Variants in CAMKMT observed in about 807,000 individuals in gnomAD.
CAMKMT encodes CaM KMT.
Under a neutral mutation model 48.0 loss-of-function variants are expected in CAMKMT, and 53 were observed. The observed-to-expected ratio is 1.10, with a 90% CI of 0.89 to 1.39. The LOEUF is 1.39. CAMKMT is among the 40% of genes most tolerant of loss of function. CAMKMT has a pLI of 0.00. For synonymous variants in CAMKMT, 165 were observed against 152.3 expected (o/e 1.08, Z -0.61); for missense variants, 428 against 402.7 (o/e 1.06, Z -0.54).
chr2:44,436,754 TA>T (rs1044120844), intron 3 of CAMKMT, among the ~76,000 whole-genome samples: 1 of 152,070 alleles, frequency 6.6e-6, no homozygotes, highest in African/African-American at 2.4e-5. Flanking sequence ...CAGTCAACAA[TA>T]AAATAACTTA....
rs547485664 is a variant in CAMKMT, at chr2:44,582,572, A to G, written c.377-121711A>G. Reference sequence around the variant, plus strand: ...CATAGTCCAATAAGCAAGTCCAGCAATACCACATTCCTCTTTGGTCTTAAA... The same window carrying G: ...CATAGTCCAATAAGCAAGTCCAGCAGTACCACATTCCTCTTTGGTCTTAAA... On this transcript the variant is annotated intron_variant, in intron 3 of 10. Coordinates refer to ENST00000378494, the MANE Select transcript of CAMKMT (RefSeq NM_024766.5). Among the ~76,000 whole-genome samples the G allele has an allele frequency of 3.9e-5, 6 of 152,342 alleles. No homozygotes were observed. The South Asian group carries it at 1.0e-3, about 26-fold the overall frequency.
At chr2:44,363,494 C>T (rs565404573) in intron 1 of CAMKMT, among the ~76,000 whole-genome samples, 47 of 151,644 alleles carry the variant, frequency 3.1e-4, no homozygotes, top group African/African-American at 8.2e-4. Flanking sequence ...TCTCCTTCCT[C>T]AGTCTCCCCA....
chr2:44,686,293 T>A (rs1676330966), intron 3 of CAMKMT, among the ~76,000 whole-genome samples: 1 of 151,182 alleles, frequency 6.6e-6, no homozygotes, highest in Non-Finnish European at 1.5e-5. Flanking sequence ...CTCGGGAGGC[T>A]GAGTCAGGAG....
chr2:44,454,202 C>A (rs1667442286), intron 3 of CAMKMT, among the ~76,000 whole-genome samples: 2 of 152,034 alleles, frequency 1.3e-5, no homozygotes, highest in African/African-American at 2.4e-5. Flanking sequence ...TCATTCTCTT[C>A]TGTTTACAGC....
chr2:44,591,709 C>A (rs928512420), intron 3 of CAMKMT, among the ~76,000 whole-genome samples: 3 of 151,244 alleles, frequency 2.0e-5, no homozygotes, highest in African/African-American at 7.3e-5. Context: ...CATCCCATTA[C>A]TGGGTATATA....
intron 3 of CAMKMT, among the ~76,000 whole-genome samples, chr2:44,522,030 A>G (rs538772116): frequency 6.8e-6 from 1 of 146,618 alleles, no homozygotes; most frequent in South Asian, 2.2e-4. Context: ...TTTTTGACAG[A>G]CTCTCACTCT....
chr2:44,707,629 C>A (rs951782582), intron 6 of CAMKMT, among the ~76,000 whole-genome samples, 167 bp downstream of exon 6: 2 of 152,108 alleles, frequency 1.3e-5, no homozygotes, highest in Non-Finnish European at 2.9e-5. Context: ...TCCTTGCATA[C>A]AACTCCGTAG....
chr2:44,636,832 C>T (rs528486921), intron 3 of CAMKMT, among the ~76,000 whole-genome samples: 224 of 152,206 alleles, frequency 1.5e-3, no homozygotes, highest in African/African-American at 5.3e-3. Flanking sequence ...TCGGTTTCCC[C>T]CCAACTTTGA....
At chr2:44,372,020 C>T (rs1219154013) in intron 1 of CAMKMT, among the ~76,000 whole-genome samples, 1 of 152,128 alleles carries the variant, frequency 6.6e-6, no homozygotes, top group Non-Finnish European at 1.5e-5. Flanking sequence ...CTCAATATAC[C>T]TCCCCATTCC....
chr2:44,698,087 A>G (rs1677054874), intron 3 of CAMKMT, among the ~76,000 whole-genome samples: 1 of 152,244 alleles, frequency 6.6e-6, no homozygotes, highest in African/African-American at 2.4e-5. Context: ...TAAGAATGAG[A>G]AAACTTTAAA....
At position 44,616,566 on chromosome 2, in the gene CAMKMT, C is replaced by A. The variant is rs1671902765; in HGVS notation, c.377-87717C>A. Among the ~76,000 whole-genome samples, 3 of 152,010 alleles carry A rather than the reference C, an allele frequency of 2.0e-5. No homozygotes were observed. The East Asian group carries it at 5.8e-4, about 29-fold the overall frequency. ...TTTTTGATTCACCAGAAAAGGTGAT[C>A]ATTTCTTGATCACAAGCAGTAAGGT... On this transcript the variant is annotated intron_variant, in intron 3 of 10. Transcript: ENST00000378494.
rs141181555 is a variant in CAMKMT, at chr2:44,648,389, T to C, written c.377-55894T>C. Among the ~76,000 whole-genome samples the C allele has an allele frequency of 6.3e-3, 959 of 152,180 alleles. 12 individuals carry two copies. The highest frequency in any genetic ancestry group is 0.022 in the African/African-American group (907 of 41,504). ...AAATGCATGATTATTTATTAAATTT[T>C]CAAAAAAAGTACAAAAATTTAAAAT... On this transcript the variant is annotated intron_variant, in intron 3 of 10. Transcript: ENST00000378494.
chr2:44,750,108 T>C (rs1358769574), intron 8 of CAMKMT, among the ~76,000 whole-genome samples: 1 of 152,136 alleles, frequency 6.6e-6, no homozygotes, highest in Admixed American at 6.5e-5. Context: ...AATGCTGTTA[T>C]GGGTTAAGAG....
intron 3 of CAMKMT, among the ~76,000 whole-genome samples, chr2:44,551,390 A>T (rs960071511): frequency 6.6e-6 from 1 of 152,258 alleles, no homozygotes. Context: ...TCTAAAGGGA[A>T]TTGTGCGTGT....
chr2:44,380,879 C>T (rs1680170944), intron 2 of CAMKMT, among the ~76,000 whole-genome samples: 2 of 151,888 alleles, frequency 1.3e-5, no homozygotes, highest in African/African-American at 4.8e-5. Flanking sequence ...ATAATGCTTT[C>T]GGCCGGGCAT....
In CAMKMT at chr2:44,579,727, G is replaced by A. The variant is rs1669440980; in HGVS notation, c.377-124556G>A. On this transcript the variant is annotated intron_variant, in intron 3 of 10. Coordinates refer to ENST00000378494, the MANE Select transcript of CAMKMT (RefSeq NM_024766.5). ...AGCTGATTTACTCCAGACAGTGAGA[G>A]ATTTGGCCACTCAGGGATGTGGAGA... 2.6e-5 allele frequency among the ~76,000 whole-genome samples: 4 copies of A among 152,326 alleles called. No homozygotes were observed. In the South Asian group the frequency reaches 8.3e-4, roughly 32 times the overall value.
At chr2:44,638,989 G>A (rs1228406980) in intron 3 of CAMKMT, among the ~76,000 whole-genome samples, 8 of 152,164 alleles carry the variant, frequency 5.3e-5, no homozygotes, top group African/African-American at 1.9e-4. Flanking sequence ...CTCCCCAAAT[G>A]GTTTGTGCCA....
chr2:44,490,354 C>T (rs1669431058), intron 3 of CAMKMT, among the ~76,000 whole-genome samples: 2 of 152,164 alleles, frequency 1.3e-5, no homozygotes, highest in Admixed American at 1.3e-4. Context: ...TGGCTCACCA[C>T]AACCTCCGCC....
intron 7 of CAMKMT, among the ~76,000 whole-genome samples, chr2:44,727,772 G>A (rs997150443): frequency 6.6e-6 from 1 of 151,992 alleles, no homozygotes; most frequent in African/African-American, 2.4e-5. Flanking sequence ...ATTATTTTGA[G>A]GTATGTTCCT....
Sources: allele counts gnomAD v4.1 joint callset (sites outside exome capture counted in the v4.1 genomes callset), GRCh38; gene constraint gnomAD v4.1.1; transcripts MANE v1.5; gene names NCBI Gene and HGNC (gene_info 2026-07-23, HGNC 2026-07-21).